The following LSP1 variants were observed in gnomAD, a reference collection of about 807,000 sequenced individuals.
The protein encoded by LSP1 is lymphocyte-specific protein 1.
A neutral mutation model predicts 49.3 loss-of-function variants in LSP1; 32 were observed. That is an observed-to-expected ratio of 0.65 (90% confidence interval 0.49 to 0.87). The LOEUF (loss-of-function observed/expected upper bound fraction) is 0.87. Ranked by LOEUF, LSP1 falls within the 40% of genes least tolerant of loss-of-function variation. The pLI, the probability that LSP1 is intolerant of heterozygous loss-of-function variation, is 0.00. For missense variants in LSP1, 428 were observed against 442.6 expected (o/e 0.97, Z 0.30); for synonymous variants, 179 against 178.8 (o/e 1.00, Z -0.01).
intron 1 of LSP1, among the ~76,000 whole-genome samples, chr11:1,874,224 G>T (rs1429359641): frequency 1.4e-5 from 1 of 73,730 alleles, no homozygotes; most frequent in African/African-American, 6.3e-5. Context: ...CAGTGTTGGG[G>T]ACAGTGAGGG....
At chr11:1,880,601 GC>G in intron 2 of LSP1, 1 of 210,892 alleles carries the variant, frequency 4.7e-6, no homozygotes. Context: ...TCCTCCTTGG[GC>G]CCAGGAGGCC....
chr11:1,864,290 A>G (rs1012226241), intron 1 of LSP1: 175 of 978,092 alleles, frequency 1.8e-4, no homozygotes, highest in Non-Finnish European at 2.1e-4. Context: ...ACGAAGGAGA[A>G]GAACAGAGGA....
chr11:1,874,713 T>G (rs1212446863), intron 1 of LSP1, among the ~76,000 whole-genome samples: 1 of 152,084 alleles, frequency 6.6e-6, no homozygotes, highest in Non-Finnish European at 1.5e-5. Flanking sequence ...CACTGAACCC[T>G]GGGTAGTGAG....
chr11:1,875,782 G>A (rs535723941), intron 1 of LSP1, among the ~76,000 whole-genome samples: 72 of 152,288 alleles, frequency 4.7e-4, no homozygotes, highest in Middle Eastern at 3.4e-3. Context: ...CTCTACGCCC[G>A]AGCCCCAGGC....
intron 1 of LSP1, among the ~76,000 whole-genome samples, chr11:1,864,800 AAGGGAGGG>A (rs1847733513): frequency 6.6e-6 from 1 of 151,220 alleles, no homozygotes; most frequent in Non-Finnish European, 1.5e-5. Context: ...CCAGGAGCCG[AAGGGAGGG>A]ACCAGGCTGC....
At chr11:1,885,271 C>T (rs755350043) in intron 7 of LSP1, among the ~76,000 whole-genome samples, 2 of 151,790 alleles carry the variant, frequency 1.3e-5, no homozygotes, top group Non-Finnish European at 2.9e-5. Flanking sequence ...AATGCCAGTC[C>T]CACATGCCAG....
intron 1 of LSP1, chr11:1,864,235 G>C: frequency 1.0e-6 from 1 of 987,796 alleles, no homozygotes; most frequent in Non-Finnish European, 1.2e-6. Flanking sequence ...TGCGATGATG[G>C]TGAGGGAGGT....
intron 1 of LSP1, chr11:1,869,301 G>A (rs1241406291): frequency 3.6e-6 from 1 of 276,694 alleles, no homozygotes; most frequent in Non-Finnish European, 7.2e-6. Context: ...GGGGCTGTGA[G>A]GGTCTCTTGA....
chr11:1,868,926 TGAG>T, intron 1 of LSP1: 2 of 986,028 alleles, frequency 2.0e-6, no homozygotes, highest in Non-Finnish European at 1.2e-6. Context: ...GGAGGCACCC[TGAG>T]GCCAGAGGGA....
At chr11:1,878,798 T>C (rs989806792) in intron 1 of LSP1, among the ~76,000 whole-genome samples, 2 of 152,006 alleles carry the variant, frequency 1.3e-5, no homozygotes, top group East Asian at 3.9e-4. Flanking sequence ...ATAAGCCCTG[T>C]AGGAGTGTAG....
chr11:1,866,119 C>A (rs759058057), intron 1 of LSP1, among the ~76,000 whole-genome samples: 1 of 152,140 alleles, frequency 6.6e-6, no homozygotes, highest in Non-Finnish European at 1.5e-5. Context: ...CACTCTGAGC[C>A]GCCTGTAGTG....
At chr11:1,869,612 C>G (rs527413542) in intron 1 of LSP1, 1 of 467,370 alleles carries the variant, frequency 2.1e-6, no homozygotes, top group Non-Finnish European at 4.4e-6. Flanking sequence ...CTAGCAGGTG[C>G]CGGGGCAGAA....
At position 1,869,811 on chromosome 11, in the gene LSP1, G is replaced by T. The variant is rs536718528; in HGVS notation, c.54-10276G>T. 4,304 of 468,134 alleles carry T rather than the reference G, an allele frequency of 9.2e-3. 27 individuals carry two copies. Among genetic ancestry groups the T allele is most frequent in the Non-Finnish European group, 0.013 (2,850 of 226,364 alleles). 29.0% of individuals were successfully genotyped at this position (468,134 alleles called of 1,614,324 possible). On this transcript the variant is annotated intron_variant, in intron 1 of 10. Transcript: ENST00000311604. ...CAGAGGAGGGGGCGTGGGGGGGGCT[G>T]GTTTTCCCCGAGACTGAGAAATGAA...
intron 1 of LSP1, among the ~76,000 whole-genome samples, chr11:1,862,784 A>G (rs61868771): frequency 1.4e-3 from 26 of 19,060 alleles, no homozygotes; most frequent in African/African-American, 4.0e-3. Flanking sequence ...GGGTGATCTC[A>G]CCTCCCCTGG....
chr11:1,873,674 G>T lies in LSP1; in HGVS notation c.54-6413G>T, dbSNP rs893164279. 2.0e-5 allele frequency among the ~76,000 whole-genome samples: 3 copies of T among 152,104 alleles called. No homozygotes were observed. In the South Asian group the frequency reaches 6.2e-4, roughly 32 times the overall value. ...GGGAGGAGGGAGGAACTGGACCGAG[G>T]CTATGGCTATGGAAGAATCATGCCC... On this transcript the variant is annotated intron_variant, in intron 1 of 10. Coordinates refer to ENST00000311604, the MANE Select transcript of LSP1 (RefSeq NM_002339.3).
intron 3 of LSP1, among the ~76,000 whole-genome samples, chr11:1,882,871 G>T (rs866030738): frequency 2.0e-5 from 3 of 152,160 alleles, no homozygotes; most frequent in Non-Finnish European, 2.9e-5. Context: ...ATGCAGAGCC[G>T]CTCAAAGCTG....
chr11:1,883,223 G>A (rs1228563538), intron 3 of LSP1, among the ~76,000 whole-genome samples, 196 bp from the exon 4 acceptor site: 1 of 152,258 alleles, frequency 6.6e-6, no homozygotes, highest in Non-Finnish European at 1.5e-5. Flanking sequence ...CTGACACAGG[G>A]GCCCAAGCAG....
intron 1 of LSP1, chr11:1,868,767 G>A: frequency 1.0e-6 from 1 of 985,868 alleles, no homozygotes; most frequent in Non-Finnish European, 1.2e-6. Context: ...CCAGCCCCCT[G>A]GGCAGGGTGT....
At chr11:1,888,156 G>A (rs1375338415) in intron 10 of LSP1, among the ~76,000 whole-genome samples, 1 of 152,134 alleles carries the variant, frequency 6.6e-6, no homozygotes, top group African/African-American at 2.4e-5. Context: ...ACAGGGTGGG[G>A]CAGCTGTCCT....
Sources: gnomAD v4.1 joint callset for allele counts (sites outside exome capture counted in the v4.1 genomes callset) on GRCh38, gnomAD v4.1.1 for gene constraint, MANE v1.5 for transcripts, NCBI Gene and HGNC (gene_info 2026-07-23, HGNC 2026-07-21) for gene names.